RB1: variants seen among roughly 807,000 people sequenced by gnomAD.
RB1 encodes the protein retinoblastoma-associated protein.
RB1 carries 18 observed loss-of-function variants against 135.4 expected under a neutral mutation model. The observed-to-expected ratio is 0.13, with a 90% CI of 0.09 to 0.20. The LOEUF (loss-of-function observed/expected upper bound fraction) is 0.20, where lower values mean the gene tolerates loss of function less well. Among genes scored for constraint, RB1 ranks in the 10% least tolerant of loss-of-function variants. The pLI is 1.00. For missense variants in RB1, 868 were observed against 1,110.0 expected, an observed-to-expected ratio of 0.78 and a Z score of 3.10; for synonymous variants, 365 against 373.2, an observed-to-expected ratio of 0.98 and a Z score of 0.25.
chr13:48,476,879 G>C (rs2138359807), intron 25 of RB1, 36 bp downstream of exon 25: 1 of 1,607,538 alleles, frequency 6.2e-7, no homozygotes, highest in South Asian at 1.1e-5. Context: ...CAGTAGCCGA[G>C]ATGGTCATCT....
intron 11 of RB1, among the ~76,000 whole-genome samples, chr13:48,368,834 C>T (rs914925625): frequency 4.6e-5 from 7 of 151,966 alleles, no homozygotes; most frequent in Non-Finnish European, 8.8e-5. Context: ...GGTGAAACCC[C>T]GTCTCTACTA....
At chr13:48,436,726 C>G (rs992460036) in intron 17 of RB1, among the ~76,000 whole-genome samples, 1 of 152,060 alleles carries the variant, frequency 6.6e-6, no homozygotes, top group African/African-American at 2.4e-5. Flanking sequence ...AAAGGACCAG[C>G]AAGGTAAAAT....
intron 1 of RB1, 28 bp downstream of exon 1, chr13:48,304,077 A>G (rs1952055567): frequency 7.2e-7 from 1 of 1,395,064 alleles, no homozygotes; most frequent in Non-Finnish European, 9.2e-7. Context: ...CCGTCGCCTC[A>G]CGCGGGAAGG....
chr13:48,420,398 G>A (rs1948987390), intron 17 of RB1, among the ~76,000 whole-genome samples: 1 of 152,082 alleles, frequency 6.6e-6, no homozygotes, highest in Non-Finnish European at 1.5e-5. Flanking sequence ...AAAATAATAA[G>A]AGCTATTTAT....
At chr13:48,413,172 G>A (rs1948847622) in intron 17 of RB1, 1 of 167,146 alleles carries the variant, frequency 6.0e-6, no homozygotes, top group Non-Finnish European at 1.5e-5. Flanking sequence ...AGAAGAGGCT[G>A]GGTTTGGACA....
chr13:48,459,628 A>G, intron 19 of RB1, 60 bp from the exon 20 acceptor site: 1 of 1,577,504 alleles, frequency 6.3e-7, no homozygotes, highest in East Asian at 2.2e-5. Flanking sequence ...TGATTTGAAA[A>G]AAATCTACTT....
chr13:48,401,813 A>C (rs1948694596), intron 17 of RB1, among the ~76,000 whole-genome samples: 2 of 152,168 alleles, frequency 1.3e-5, no homozygotes, highest in African/African-American at 4.8e-5. Context: ...TTACTTTGCT[A>C]AGTTTCAGTG....
rs546622082 is a variant in RB1, at chr13:48,317,159, G to C, written c.264+9753G>C. 2.4e-4 allele frequency: 181 copies of C among 741,024 alleles called. No homozygotes were observed. The African/African-American group carries it at 3.0e-3, about 12-fold the overall frequency. The allele number at this position is 741,024 out of a possible 1,614,324, so 45.9% of individuals were successfully genotyped here. ...CGGCCTGGGCCTCCCTGAAGGCAGA[G>C]AAGGACGGGCCCTGTGGAGGCAGCC... On this transcript the variant is annotated intron_variant, in intron 2 of 26. Transcript: ENST00000267163.
At chr13:48,385,010 G>A (rs1018674534) in intron 17 of RB1, among the ~76,000 whole-genome samples, 6 of 152,120 alleles carry the variant, frequency 3.9e-5, no homozygotes, top group Non-Finnish European at 5.9e-5. Context: ...TCTGTTAAGA[G>A]GTTTATAATG....
intron 20 of RB1, among the ~76,000 whole-genome samples, chr13:48,462,645 G>A (rs1023516607): frequency 6.6e-6 from 1 of 152,134 alleles, no homozygotes; most frequent in African/African-American, 2.4e-5. Context: ...ATGCTTTAGT[G>A]TCATATCTAA....
intron 6 of RB1, among the ~76,000 whole-genome samples, chr13:48,358,024 A>G (rs548160120): frequency 2.6e-5 from 4 of 152,202 alleles, no homozygotes; most frequent in South Asian, 2.1e-4. Context: ...TAATCCCCCA[A>G]TGGGTTCTTC....
intron 17 of RB1, chr13:48,411,592 A>G: frequency 6.2e-7 from 1 of 1,612,982 alleles, no homozygotes. Context: ...ACAGCAATAC[A>G]GAGAGTGATT....
chr13:48,322,628 G>A (rs974752489), intron 2 of RB1, among the ~76,000 whole-genome samples: 5 of 152,278 alleles, frequency 3.3e-5, no homozygotes, highest in Admixed American at 2.6e-4. Context: ...AGACCATCCA[G>A]TTTTTCACCA....
At position 48,367,044 on chromosome 13, in the gene RB1, CG is replaced by C. The variant is rs930738008; in HGVS notation, c.940-445del. 1.3e-4 allele frequency among the ~76,000 whole-genome samples: 18 copies of C among 133,482 alleles called. No individual in the cohort carries two copies. In the Admixed American group the frequency reaches 1.6e-3, roughly 12 times the overall value. The allele number at this position is 133,482 out of a possible 152,430, so 87.6% of individuals were successfully genotyped here. A position where few individuals can be genotyped will look rare whatever the true frequency, so the allele number is the denominator to read the frequency against. ...TGAGGCAGGAAAGTTGCTTGAACCC[CG>C]GGGGCAGAGGTGGCAGTGAGCCGAG... On this transcript the variant is annotated intron_variant, in intron 9 of 26. Transcript: ENST00000267163.
chr13:48,388,528 C>T (rs1404997214), intron 17 of RB1, among the ~76,000 whole-genome samples: 1 of 152,062 alleles, frequency 6.6e-6, no homozygotes, highest in African/African-American at 2.4e-5. Flanking sequence ...CATCATAATC[C>T]ATGAGGTAGT....
At chr13:48,395,480 GAA>G (rs1948640803) in intron 17 of RB1, among the ~76,000 whole-genome samples, 1 of 151,828 alleles carries the variant, frequency 6.6e-6, no homozygotes, top group Non-Finnish European at 1.5e-5. Flanking sequence ...TAAGAACTTT[GAA>G]AAAAGGTTAG....
At chr13:48,428,699 G>T (rs1428507209) in intron 17 of RB1, among the ~76,000 whole-genome samples, 1 of 152,192 alleles carries the variant, frequency 6.6e-6, no homozygotes, top group Non-Finnish European at 1.5e-5. Flanking sequence ...ATCGTATGAT[G>T]ACCATCCTTC....
At chr13:48,318,824 A>G in intron 2 of RB1, 1 of 980,922 alleles carries the variant, frequency 1.0e-6, no homozygotes, top group Non-Finnish European at 1.6e-6. Flanking sequence ...AGCAGCTCTC[A>G]CCTCTGGCCA....
chr13:48,479,156 A>G (rs1593548914), intron 26 of RB1, among the ~76,000 whole-genome samples: 1 of 152,168 alleles, frequency 6.6e-6, no homozygotes, highest in South Asian at 2.1e-4. Flanking sequence ...TGAGCCCAGA[A>G]GGTCAAAGCT....
Sources: allele counts gnomAD v4.1 joint callset (sites outside exome capture counted in the v4.1 genomes callset), GRCh38; gene constraint gnomAD v4.1.1; transcripts MANE v1.5; gene names NCBI Gene and HGNC (gene_info 2026-07-23, HGNC 2026-07-21).